Variants in UGT1A8 observed in about 807,000 individuals in gnomAD.
The protein encoded by UGT1A8 is UDP-glucuronosyltransferase 1A8.
Under a neutral mutation model 45.3 loss-of-function variants are expected in UGT1A8, and 39 were observed. The observed-to-expected ratio is 0.86, with a 90% CI of 0.67 to 1.12. UGT1A8 has a LOEUF of 1.12. Ranked by LOEUF, UGT1A8 falls within the 50% of genes most tolerant of loss-of-function variation. UGT1A8 has a pLI of 0.00. For synonymous variants in UGT1A8, 275 were observed against 249.2 expected (o/e 1.10, Z -0.97); for missense variants, 719 against 664.9 (o/e 1.08, Z -0.90).
intron 1 of UGT1A8, chr2:233,747,384 G>T: frequency 6.2e-7 from 1 of 1,605,378 alleles, no homozygotes; most frequent in Non-Finnish European, 8.5e-7. Flanking sequence ...AGGCCACCAG[G>T]CGGTGGTCCT....
At chr2:233,647,845 TG>T (rs1471991838) in intron 1 of UGT1A8, 1 of 1,196,820 alleles carries the variant, frequency 8.4e-7, no homozygotes, top group Non-Finnish European at 1.2e-6. Flanking sequence ...TTGGTGTCAT[TG>T]GTTTTCTCCA....
intron 1 of UGT1A8, among the ~76,000 whole-genome samples, chr2:233,659,283 A>C (rs911399168): frequency 1.3e-5 from 2 of 152,218 alleles, no homozygotes; most frequent in Non-Finnish European, 2.9e-5. Flanking sequence ...TAAAATCCAC[A>C]TATCATTTTG....
Position 233,636,463 on chromosome 2 carries a change from C to A in UGT1A8, c.855+17901C>A, listed in dbSNP as rs1019844777. 9.1e-5 allele frequency: 141 copies of A among 1,552,566 alleles called. 1 individual carries two copies. The African/African-American group carries it at 1.6e-3, about 17-fold the overall frequency. On this transcript the variant is annotated intron_variant, in intron 1 of 4. Transcript: ENST00000373450. ...GTCAGGTTTTGTGCCTGTACTTCTT[C>A]CGCCTACTGTATCATAGCAGCTTAG...
rs116217777 is a variant in UGT1A8 at position 233,642,280 on chromosome 2, T to C, written c.855+23718T>C. 5.9e-3 allele frequency among the ~76,000 whole-genome samples: 896 copies of C among 152,328 alleles called. 9 individuals are homozygous for C. Among genetic ancestry groups the C allele is most frequent in the African/African-American group, 0.021 (855 of 41,580 alleles). ...CTCAGTAATTATTTCTTGTGTTTGG[T>C]CCATTCTGCTATTAAAGGACTTTGA... On this transcript the variant is annotated intron_variant, in intron 1 of 4. Transcript: ENST00000373450.
chr2:233,629,925 A>C (rs1018564661), intron 1 of UGT1A8, among the ~76,000 whole-genome samples: 6 of 152,084 alleles, frequency 3.9e-5, no homozygotes, highest in Non-Finnish European at 7.4e-5. Flanking sequence ...AAACTTGTTC[A>C]TGTTATTCTC....
At chr2:233,653,938 C>T (rs1559326362) in intron 1 of UGT1A8, among the ~76,000 whole-genome samples, 1 of 152,196 alleles carries the variant, frequency 6.6e-6, no homozygotes, top group Non-Finnish European at 1.5e-5. Context: ...ACAAAAGGGA[C>T]ATCTCTTCAT....
chr2:233,671,325 G>T (rs993178908), intron 1 of UGT1A8, among the ~76,000 whole-genome samples: 17 of 152,274 alleles, frequency 1.1e-4, no homozygotes, highest in Middle Eastern at 3.4e-3. Flanking sequence ...CCCTGGTATG[G>T]TCCATGGAAG....
At chr2:233,734,042 CA>C (rs1279505010) in intron 1 of UGT1A8, among the ~76,000 whole-genome samples, 9 of 152,058 alleles carry the variant, frequency 5.9e-5, no homozygotes, top group Non-Finnish European at 1.5e-5. Context: ...ACCAACATGG[CA>C]CATGTATACA....
intron 1 of UGT1A8, chr2:233,748,172 T>A: frequency 6.3e-7 from 1 of 1,584,752 alleles, no homozygotes; most frequent in Non-Finnish European, 8.6e-7. Context: ...TCTACTTATC[T>A]TTCTGGTGCT....
At chr2:233,718,922 G>A (rs1204171284) in intron 1 of UGT1A8, 3 of 1,614,120 alleles carry the variant, frequency 1.9e-6, no homozygotes, top group Non-Finnish European at 2.5e-6. Context: ...TGTTGGTGGT[G>A]CCCACTGATG....
At chr2:233,747,812 C>A (rs1693783784) in intron 1 of UGT1A8, 1 of 1,613,462 alleles carries the variant, frequency 6.2e-7, no homozygotes, top group Non-Finnish European at 8.5e-7. Context: ...TACTAACGAC[C>A]AATTCAGACC....
At chr2:233,672,867 T>C in intron 1 of UGT1A8, 1 of 1,522,004 alleles carries the variant, frequency 6.6e-7, no homozygotes, top group East Asian at 2.3e-5. Flanking sequence ...TGAACTGTGA[T>C]TTGACATTTT....
chr2:233,639,487 G>A (rs1326064187), intron 1 of UGT1A8, among the ~76,000 whole-genome samples: 1 of 152,194 alleles, frequency 6.6e-6, no homozygotes, highest in East Asian at 1.9e-4. Flanking sequence ...ATGTGTCTGG[G>A]AAAAGCATGC....
chr2:233,709,597 G>A (rs4408722), intron 1 of UGT1A8, among the ~76,000 whole-genome samples: 1 of 152,134 alleles, frequency 6.6e-6, no homozygotes, highest in South Asian at 2.1e-4. Context: ...GGATGTGAAA[G>A]AAACATTATT....
At chr2:233,760,638 A>G (rs752920136) in intron 1 of UGT1A8, 10 of 1,614,086 alleles carry the variant, frequency 6.2e-6, no homozygotes, top group African/African-American at 1.3e-5. Context: ...AGAAAATAAA[A>G]AAGGACTCTG....
At chr2:233,760,874 C>T in intron 1 of UGT1A8, 1 of 1,614,100 alleles carries the variant, frequency 6.2e-7, no homozygotes, top group Non-Finnish European at 8.5e-7. Flanking sequence ...GTGCCCAGGC[C>T]TCTCTCCTCT....
At chr2:233,645,464 A>G (rs562771794) in intron 1 of UGT1A8, among the ~76,000 whole-genome samples, 1 of 152,346 alleles carries the variant, frequency 6.6e-6, no homozygotes, top group East Asian at 1.9e-4. Flanking sequence ...CATCTGAGAC[A>G]AGGCAAGTCC....
chr2:233,627,661 CTT>C (rs1304699177), intron 1 of UGT1A8, among the ~76,000 whole-genome samples: 1 of 147,060 alleles, frequency 6.8e-6, no homozygotes, highest in African/African-American at 2.5e-5. Flanking sequence ...TCCTTCCTTC[CTT>C]CCTTCCTTCC....
At chr2:233,731,988 G>T (rs2078227484) in intron 1 of UGT1A8, among the ~76,000 whole-genome samples, 1 of 152,200 alleles carries the variant, frequency 6.6e-6, no homozygotes, top group South Asian at 2.1e-4. Flanking sequence ...TAACTGGCGT[G>T]AGATGGTATC....
Sources: gnomAD v4.1 joint callset for allele counts (sites outside exome capture counted in the v4.1 genomes callset) on GRCh38, gnomAD v4.1.1 for gene constraint, MANE v1.5 for transcripts, NCBI Gene and HGNC (gene_info 2026-07-23, HGNC 2026-07-21) for gene names.